The following FER variants were observed in gnomAD, a reference collection of about 807,000 sequenced individuals.
FER encodes tyrosine-protein kinase Fer.
In FER, 63 loss-of-function variants were observed where a neutral mutation model predicts 111.0. The observed-to-expected ratio is 0.57, with a 90% CI of 0.46 to 0.70. FER has a LOEUF of 0.70. Among genes scored for constraint, FER ranks in the 30% least tolerant of loss-of-function variants. The pLI, the probability that FER is intolerant of heterozygous loss-of-function variation, is 0.00. For missense variants in FER, 914 were observed against 954.0 expected (o/e 0.96, Z 0.55); for synonymous variants, 327 against 313.9 (o/e 1.04, Z -0.44).
rs769044843 is a variant in FER, at chr5:108,883,490, T to C, written c.1018T>C (p.Ser340Pro). Residue 340 changes from serine to proline, a missense_variant, in exon 9 of 20, where the codon TCT (serine) becomes CCT (proline). This residue lies in a region of FER where 774 missense variants were observed against 782.6 expected (regional missense o/e 0.99). Coordinates refer to ENST00000281092, the MANE Select transcript of FER (RefSeq NM_005246.4). Reference protein sequence around the residue: ...VLELEKRIEESSETCEKKSDI... With the variant: ...VLELEKRIEEPSETCEKKSDI... ...GGAGTTAGAGAAGAGAATTGAAGAA[T>C]CTTCTGAAACTTGTGAGAAGAAGTC... The C allele has an allele frequency of 5.6e-6, 9 of 1,605,356 alleles. No individual in the cohort carries two copies. In the East Asian group the frequency reaches 2.0e-4, roughly 36 times the overall value.
At chr5:108,760,312 C>T (rs536594326) in intron 1 of FER, among the ~76,000 whole-genome samples, 3 of 152,134 alleles carry the variant, frequency 2.0e-5, no homozygotes, top group Non-Finnish European at 2.9e-5. Flanking sequence ...ATGGACTCTG[C>T]AATATTTAGA....
intron 10 of FER, among the ~76,000 whole-genome samples, chr5:108,910,859 A>T (rs1323804068): frequency 1.3e-5 from 2 of 152,074 alleles, no homozygotes; most frequent in South Asian, 2.1e-4. Flanking sequence ...CATAGGGTAT[A>T]TATACCACAT....
intron 9 of FER, among the ~76,000 whole-genome samples, chr5:108,893,105 G>T (rs549126622): frequency 6.5e-4 from 99 of 152,270 alleles, no homozygotes; most frequent in Admixed American, 4.4e-3. Context: ...GTATCGTGAT[G>T]CCTCCAGCTT....
chr5:109,035,278 C>T (rs1770218708), intron 13 of FER, among the ~76,000 whole-genome samples: 2 of 152,050 alleles, frequency 1.3e-5, no homozygotes, highest in South Asian at 4.2e-4. Context: ...CGCAAAGTTG[C>T]TTCTTTCCCT....
intron 2 of FER, among the ~76,000 whole-genome samples, chr5:108,770,933 C>G (rs1050065296): frequency 1.3e-5 from 2 of 150,526 alleles, no homozygotes; most frequent in Non-Finnish European, 3.0e-5. Context: ...ATTTTTTTCT[C>G]TGAAAAAAAA....
intron 10 of FER, among the ~76,000 whole-genome samples, chr5:108,903,049 A>G (rs899301059): frequency 6.6e-6 from 1 of 152,112 alleles, no homozygotes; most frequent in Non-Finnish European, 1.5e-5. Flanking sequence ...TAATCTGGTT[A>G]TTTAACTTTA....
chr5:109,122,211 C>G (rs1751068626), intron 17 of FER, among the ~76,000 whole-genome samples: 1 of 152,024 alleles, frequency 6.6e-6, no homozygotes, highest in African/African-American at 2.4e-5. Flanking sequence ...CCTTACAGCT[C>G]TAAACTTCCC....
rs1279234699 is a variant in FER, at chr5:108,954,765, G to T, written c.1366G>T (p.Ala456Ser). The T allele has an allele frequency of 1.9e-6, 3 of 1,606,932 alleles. No individual in the cohort carries two copies. Among genetic ancestry groups the T allele is most frequent in the Non-Finnish European group, 2.6e-6 (3 of 1,176,316 alleles). ...DMISISEKPL[A>S]EQDWYHGAIP... Reference sequence around the variant, plus strand: ...GATCTCCATCAGTGAGAAGCCTTTGGCAGAACAGGACTGGTACCATGGTGC... The same window carrying T: ...GATCTCCATCAGTGAGAAGCCTTTGTCAGAACAGGACTGGTACCATGGTGC... The change falls in exon 12 of 20, where the codon GCA (alanine) becomes TCA (serine). Residue 456 changes from alanine (A) to serine (S), a missense_variant. Ala to Ser is a moderately conservative substitution (Grantham distance 99). Transcript: ENST00000281092.
At chr5:109,010,162 C>CT (rs1766053611) in intron 13 of FER, among the ~76,000 whole-genome samples, 2 of 150,386 alleles carry the variant, frequency 1.3e-5, no homozygotes, top group African/African-American at 4.9e-5. Context: ...TCTTAGTTTT[C>CT]TTTTTTATCC....
At chr5:108,815,143 C>T (rs1758150811) in intron 3 of FER, among the ~76,000 whole-genome samples, 3 of 152,050 alleles carry the variant, frequency 2.0e-5, no homozygotes, top group Admixed American at 1.3e-4. Flanking sequence ...TTTTAGGTTT[C>T]ACAGTATTTG....
At chr5:109,142,405 C>T (rs1292504129) in intron 17 of FER, among the ~76,000 whole-genome samples, 1 of 152,010 alleles carries the variant, frequency 6.6e-6, no homozygotes, top group Non-Finnish European at 1.5e-5. Context: ...AGCCACTGAA[C>T]AGGTGTAGGA....
chr5:108,962,389 G>GTCT (rs1759260862), intron 13 of FER, among the ~76,000 whole-genome samples: 1 of 152,158 alleles, frequency 6.6e-6, no homozygotes, highest in South Asian at 2.1e-4. Context: ...GGGAGGCCTT[G>GTCT]TCTGACTACC....
chr5:108,762,121 G>A (rs1751826887), intron 1 of FER, among the ~76,000 whole-genome samples: 1 of 152,008 alleles, frequency 6.6e-6, no homozygotes, highest in African/African-American at 2.4e-5. Context: ...TACCATGTTG[G>A]TCAGGCTGGT....
chr5:109,033,298 C>T (rs1769903666), intron 13 of FER, among the ~76,000 whole-genome samples: 1 of 152,038 alleles, frequency 6.6e-6, no homozygotes, highest in South Asian at 2.1e-4. Flanking sequence ...AGATAGAGAC[C>T]AGAAATATGT....
At chr5:108,761,405 G>A (rs1580402155) in intron 1 of FER, among the ~76,000 whole-genome samples, 1 of 152,292 alleles carries the variant, frequency 6.6e-6, no homozygotes, top group Non-Finnish European at 1.5e-5. Flanking sequence ...GAAGGAGAGG[G>A]AGTAGAGAAT....
chr5:108,762,278 G>C (rs1751845641), intron 1 of FER, among the ~76,000 whole-genome samples: 1 of 152,054 alleles, frequency 6.6e-6, no homozygotes, highest in Admixed American at 6.6e-5. Flanking sequence ...CTTTGTTTTT[G>C]CCCTGACCCC....
chr5:108,921,731 A>G (rs192163941), intron 10 of FER, among the ~76,000 whole-genome samples: 49 of 152,326 alleles, frequency 3.2e-4, no homozygotes, highest in African/African-American at 1.2e-3. Context: ...ATGTTAAGTC[A>G]CTGCTGAAAT....
rs115538057 is a variant in FER at position 109,097,634 on chromosome 5, A to T, written c.1925-2762A>T. 1.7e-3 allele frequency among the ~76,000 whole-genome samples: 263 copies of T among 152,048 alleles called. 1 individual carries two copies. Among genetic ancestry groups the T allele is most frequent in the Non-Finnish European group, 2.8e-3 (191 of 67,890 alleles). ...CTTCTAAAATAACTTTACAGTGAAC[A>T]CTAAAGACTATGTCATCTGATATCA... On this transcript the variant is annotated intron_variant, in intron 16 of 19. Coordinates refer to ENST00000281092, the MANE Select transcript of FER (RefSeq NM_005246.4).
chr5:108,880,586 C>T (rs1264405117), intron 8 of FER, among the ~76,000 whole-genome samples: 1 of 151,982 alleles, frequency 6.6e-6, no homozygotes, highest in Non-Finnish European at 1.5e-5. Flanking sequence ...GATCTTGAAT[C>T]TTAATATAGT....
Sources: gnomAD v4.1 joint callset for allele counts (sites outside exome capture counted in the v4.1 genomes callset) on GRCh38, gnomAD v4.1.1 for gene constraint, gnomAD v4.1.1 regional missense constraint, MANE v1.5 for transcripts, NCBI Gene and HGNC (gene_info 2026-07-23, HGNC 2026-07-21) for gene names.